KCNU1: variants seen among roughly 807,000 people sequenced by gnomAD.
KCNU1 encodes the protein potassium calcium-activated channel subfamily U member 1.
KCNU1 carries 93 observed loss-of-function variants against 126.8 expected under a neutral mutation model. That is an observed-to-expected ratio of 0.73 (90% confidence interval 0.62 to 0.87). The LOEUF (loss-of-function observed/expected upper bound fraction) is 0.87, where lower values mean the gene tolerates loss of function less well. Ranked by LOEUF, KCNU1 falls within the 40% of genes least tolerant of loss-of-function variation. The pLI, the probability that KCNU1 is intolerant of heterozygous loss-of-function variation, is 0.00. For synonymous variants in KCNU1, 523 were observed against 494.2 expected, an observed-to-expected ratio of 1.06 and a Z score of -0.77; for missense variants, 1,330 against 1,367.1, an observed-to-expected ratio of 0.97 and a Z score of 0.43.
At chr8:36,891,906 T>G (rs938565034) in intron 19 of KCNU1, among the ~76,000 whole-genome samples, 9 of 152,138 alleles carry the variant, frequency 5.9e-5, no homozygotes, top group African/African-American at 2.2e-4. Flanking sequence ...CCCTTGGCTC[T>G]GAACAATTTG....
chr8:36,795,843 G>T (rs1803077211), intron 2 of KCNU1: 1 of 152,218 alleles, frequency 6.6e-6, no homozygotes, highest in Non-Finnish European at 1.5e-5. Flanking sequence ...GTCAGTCTGG[G>T]TATCCCTGTA....
Position 36,817,759 on chromosome 8 carries a change from G to A in KCNU1, c.1105G>A (p.Glu369Lys). The A allele has an allele frequency of 6.6e-7, 1 of 1,515,852 alleles. No individual in the cohort carries two copies. Among genetic ancestry groups the A allele is most frequent in the Non-Finnish European group, 9.2e-7 (1 of 1,090,454 alleles). 93.9% of individuals were successfully genotyped at this position (1,515,852 alleles called of 1,614,324 possible). ...CAACACTGAAATTGTTTTCCTGGGAGAGTAAGTATATCTGTATGGCTCATG... is the reference window on the plus strand; with the variant it reads ...CAACACTGAAATTGTTTTCCTGGGAAAGTAAGTATATCTGTATGGCTCATG... ...EINTEIVFLG[E>K]TPPSLELETI... The change falls in exon 10 of 27, where the codon GAA becomes AAA. Residue 369 changes from glutamate to lysine, a missense_variant and splice_region_variant. Around this residue, in one of 3 missense-constraint regions of KCNU1, gnomAD observed 1,054 missense variants for 1,053.9 expected, o/e 1.00. Transcript: ENST00000399881.
intron 19 of KCNU1, among the ~76,000 whole-genome samples, chr8:36,891,930 C>T (rs1445449166): frequency 6.6e-6 from 1 of 152,060 alleles, no homozygotes; most frequent in Non-Finnish European, 1.5e-5. Flanking sequence ...ATGGTATATC[C>T]AGGTCTGAAT....
chr8:36,926,645 G>A (rs1808542739), intron 24 of KCNU1, among the ~76,000 whole-genome samples: 2 of 152,112 alleles, frequency 1.3e-5, no homozygotes, highest in South Asian at 4.1e-4. Context: ...GAAGTCTGGT[G>A]CGGGAGGCAG....
At chr8:36,895,344 G>T (rs1201780081) in intron 19 of KCNU1, among the ~76,000 whole-genome samples, 1 of 152,042 alleles carries the variant, frequency 6.6e-6, no homozygotes, top group African/African-American at 2.4e-5. Context: ...CTCCCAAAGT[G>T]CTGGGATTGC....
intron 7 of KCNU1, 35 bp from the exon 8 acceptor site, chr8:36,814,172 T>C: frequency 6.4e-7 from 1 of 1,559,196 alleles, no homozygotes; most frequent in Non-Finnish European, 8.8e-7. Context: ...TTGGATTCTA[T>C]TCAGATGTTT....
At chr8:36,818,499 G>A (rs1194894308) in intron 10 of KCNU1, among the ~76,000 whole-genome samples, 4 of 151,138 alleles carry the variant, frequency 2.6e-5, no homozygotes, top group Admixed American at 6.6e-5. Context: ...AATTTTTTTC[G>A]TGCTTTTATT....
In KCNU1 at chr8:36,836,460, T is replaced by G. The variant is rs566639813; in HGVS notation, c.1365+95T>G. On this transcript the variant is annotated intron_variant, in intron 13 of 26. Transcript: ENST00000399881. The stretch of plus-strand genomic sequence containing the variant: ...CTAATGGATGTGTAAATAAAAAGTT[T>G]TTGCTAATCATAGGTAAAATTTGGA... The G allele has an allele frequency of 6.9e-6, 6 of 868,276 alleles. No homozygotes were observed. The East Asian group carries it at 1.5e-4, about 21-fold the overall frequency. The allele number at this position is 868,276 out of a possible 1,614,324, so 53.8% of individuals were successfully genotyped here.
At chr8:36,934,056 A>T (rs1808781822) in intron 26 of KCNU1, among the ~76,000 whole-genome samples, 2 of 152,114 alleles carry the variant, frequency 1.3e-5, no homozygotes, top group African/African-American at 4.8e-5. Flanking sequence ...TGAATAGTAG[A>T]TGTACTCAGA....
At chr8:36,905,252 C>A (rs1208486685) in intron 19 of KCNU1, among the ~76,000 whole-genome samples, 1 of 151,854 alleles carries the variant, frequency 6.6e-6, no homozygotes, top group African/African-American at 2.4e-5. Flanking sequence ...CAACAGGGAC[C>A]CATTCAGAAA....
chr8:36,856,782 C>T (rs958894472), intron 18 of KCNU1, among the ~76,000 whole-genome samples: 6 of 152,168 alleles, frequency 3.9e-5, no homozygotes, highest in African/African-American at 9.7e-5. Flanking sequence ...TAAGACCAGT[C>T]TTTGCAGTTT....
In KCNU1 at chr8:36,830,142, T is replaced by G. The variant is rs115114240; in HGVS notation, c.1107-3412T>G. ...ATCCAGATTTGTAAATCTTTATAAA[T>G]AAAATAAATATTTATAATAAAACAT... On this transcript the variant is annotated intron_variant, in intron 10 of 26. Coordinates refer to ENST00000399881, the MANE Select transcript of KCNU1 (RefSeq NM_001031836.3). 2.6e-3 allele frequency among the ~76,000 whole-genome samples: 384 copies of G among 150,326 alleles called. 4 individuals carry two copies. The highest frequency in any genetic ancestry group is 8.9e-3 in the African/African-American group (369 of 41,352).
chr8:36,898,915 T>G (rs1489396365), intron 19 of KCNU1, among the ~76,000 whole-genome samples: 1 of 152,078 alleles, frequency 6.6e-6, no homozygotes. Context: ...TTATTAAAGG[T>G]ACCTGCTGCT....
At chr8:36,913,841 T>C (rs1424265785) in intron 22 of KCNU1, among the ~76,000 whole-genome samples, 1 of 152,052 alleles carries the variant, frequency 6.6e-6, no homozygotes, top group African/African-American at 2.4e-5. Flanking sequence ...GACCTTGTGA[T>C]CCGTCTGCCT....
chr8:36,865,900 CAT>C (rs1805894933), intron 19 of KCNU1, among the ~76,000 whole-genome samples: 1 of 151,320 alleles, frequency 6.6e-6, no homozygotes, highest in African/African-American at 2.4e-5. Flanking sequence ...ACCTAATGCA[CAT>C]TATGCTAAGT....
intron 19 of KCNU1, among the ~76,000 whole-genome samples, chr8:36,896,335 A>G (rs991609541): frequency 6.6e-6 from 1 of 152,090 alleles, no homozygotes; most frequent in Non-Finnish European, 1.5e-5. Flanking sequence ...GATGAACAGT[A>G]TCACATCAGA....
intron 19 of KCNU1, among the ~76,000 whole-genome samples, chr8:36,902,133 T>C (rs573752443): frequency 6.6e-6 from 1 of 152,250 alleles, no homozygotes; most frequent in African/African-American, 2.4e-5. Flanking sequence ...GGACACCAGA[T>C]GGATGCCTTT....
chr8:36,905,888 G>T, intron 20 of KCNU1, 84 bp downstream of exon 20: 1 of 654,254 alleles, frequency 1.5e-6, no homozygotes, highest in East Asian at 2.9e-5. Context: ...ATAAGCACCT[G>T]TCACTTCCCT....
At chr8:36,789,670 G>A (rs191310703) in intron 2 of KCNU1, among the ~76,000 whole-genome samples, 10 of 152,270 alleles carry the variant, frequency 6.6e-5, no homozygotes, top group African/African-American at 2.4e-4. Context: ...ATGCCATGAG[G>A]GAAATATGAG....
Sources: allele counts gnomAD v4.1 joint callset (sites outside exome capture counted in the v4.1 genomes callset), GRCh38; gene constraint gnomAD v4.1.1; regional missense constraint gnomAD v4.1.1; transcripts MANE v1.5; gene names NCBI Gene and HGNC (gene_info 2026-07-23, HGNC 2026-07-21).